Variants in MMP26 observed in about 807,000 individuals in gnomAD.
The protein encoded by MMP26 is matrix metalloproteinase-26.
MMP26 carries 33 observed loss-of-function variants against 31.0 expected under a neutral mutation model. The ratio of observed to expected loss-of-function variants is 1.06; its 90% CI spans 0.81 to 1.42. MMP26 has a LOEUF of 1.42. Ranked by LOEUF, MMP26 falls within the 40% of genes most tolerant of loss-of-function variation. The probability of loss-of-function intolerance (pLI) is 0.00; values close to 1 mark genes in which losing one functional copy is unlikely to be tolerated. For synonymous variants in MMP26, 122 were observed against 114.9 expected (o/e 1.06, Z -0.40); for missense variants, 347 against 316.1 (o/e 1.10, Z -0.74).
intron 1 of MMP26, among the ~76,000 whole-genome samples, chr11:4,731,903 A>T (rs1848178870): frequency 6.6e-6 from 1 of 152,162 alleles, no homozygotes; most frequent in South Asian, 2.1e-4. Context: ...TGTCATCGGG[A>T]GGCATGGTAG....
intron 2 of MMP26, among the ~76,000 whole-genome samples, chr11:4,824,010 G>C (rs1183231872): frequency 6.6e-6 from 1 of 152,166 alleles, no homozygotes; most frequent in African/African-American, 2.4e-5. Flanking sequence ...TCCTTAAAGA[G>C]TTGGGTATTC....
At chr11:4,921,595 C>T (rs1851185451) in intron 2 of MMP26, among the ~76,000 whole-genome samples, 1 of 152,160 alleles carries the variant, frequency 6.6e-6, no homozygotes, top group East Asian at 1.9e-4. Context: ...CATGTAAGCA[C>T]TGTTGTTCAG....
At position 4,769,643 on chromosome 11, in the gene MMP26, CG is replaced by C. The variant is rs34672924; in HGVS notation, c.-145+2303del. The C allele has an allele frequency of 0.23, 376,108 of 1,603,756 alleles. 49,713 individuals carry two copies. Among genetic ancestry groups the C allele is most frequent in the African/African-American group, 0.44 (32,949 of 74,506 alleles). ...AATGCAGCTATATAGACTGATTTCA[CG>C]TGCCTCAAACCAGAGGATACCTAAT... is the stretch of plus-strand genomic sequence containing the variant. On this transcript the variant is annotated intron_variant, in intron 2 of 7. Coordinates refer to ENST00000380390, the MANE Select transcript of MMP26 (RefSeq NM_021801.5).
chr11:4,791,754 T>C (rs1040401641), intron 2 of MMP26, among the ~76,000 whole-genome samples: 4 of 152,068 alleles, frequency 2.6e-5, no homozygotes, highest in Admixed American at 1.3e-4. Flanking sequence ...TTCAAAAAGT[T>C]TGGGCTCTAG....
At chr11:4,961,991 C>A (rs1437058168) in intron 2 of MMP26, among the ~76,000 whole-genome samples, 5 of 151,896 alleles carry the variant, frequency 3.3e-5, no homozygotes, top group African/African-American at 1.2e-4. Flanking sequence ...TTGGAGCAAC[C>A]CCTGTTTTTT....
chr11:4,916,402 G>GAAA (rs79703641), intron 2 of MMP26, among the ~76,000 whole-genome samples: 1 of 150,546 alleles, frequency 6.6e-6, no homozygotes, highest in African/African-American at 2.4e-5. Flanking sequence ...TCTTTTACTG[G>GAAA]AAAAAAAAAG....
At chr11:4,934,693 G>T (rs1851407372) in intron 2 of MMP26, among the ~76,000 whole-genome samples, 1 of 146,342 alleles carries the variant, frequency 6.8e-6, no homozygotes, top group Admixed American at 6.9e-5. Context: ...TTCTTCTAGG[G>T]TTTTTATGGT....
intron 2 of MMP26, among the ~76,000 whole-genome samples, chr11:4,888,866 C>A (rs1287278783): frequency 2.6e-5 from 4 of 152,148 alleles, no homozygotes; most frequent in Non-Finnish European, 4.4e-5. Flanking sequence ...TGCTCCTCAA[C>A]AAGTACCATG....
At chr11:4,804,625 G>C (rs368343401) in intron 2 of MMP26, 149 of 677,978 alleles carry the variant, frequency 2.2e-4, no homozygotes, top group Non-Finnish European at 3.0e-4. Flanking sequence ...CATACTAGTT[G>C]CATGTGTAAC....
intron 2 of MMP26, chr11:4,804,333 G>T (rs1849233686): frequency 1.2e-6 from 2 of 1,614,050 alleles, no homozygotes; most frequent in Non-Finnish European, 1.7e-6. Context: ...TTCCAAGCAG[G>T]ATGAAGGACA....
chr11:4,807,900 G>T (rs560411423), intron 2 of MMP26, among the ~76,000 whole-genome samples: 63 of 152,208 alleles, frequency 4.1e-4, no homozygotes, highest in Admixed American at 1.1e-3. Flanking sequence ...GAACTTCTGG[G>T]TTTAGGTGAT....
At chr11:4,936,480 A>T (rs1001426757) in intron 2 of MMP26, among the ~76,000 whole-genome samples, 1 of 152,102 alleles carries the variant, frequency 6.6e-6, no homozygotes, top group African/African-American at 2.4e-5. Context: ...GATATTTAAG[A>T]GAAGTTTAAA....
At chr11:4,831,513 C>A (rs1334525351) in intron 2 of MMP26, among the ~76,000 whole-genome samples, 1 of 152,170 alleles carries the variant, frequency 6.6e-6, no homozygotes, top group African/African-American at 2.4e-5. Context: ...GCTTTTTATT[C>A]TCTTGTTTTT....
At chr11:4,774,928 A>G (rs913559475) in intron 2 of MMP26, among the ~76,000 whole-genome samples, 1 of 152,136 alleles carries the variant, frequency 6.6e-6, no homozygotes, top group East Asian at 1.9e-4. Flanking sequence ...GTTGAAGATC[A>G]CATGGTTGTA....
At chr11:4,946,572 A>G in intron 2 of MMP26, 2 of 1,588,430 alleles carry the variant, frequency 1.3e-6, no homozygotes, top group South Asian at 2.2e-5. Context: ...TAGGAATGGG[A>G]TAATTGGTTT....
intron 2 of MMP26, among the ~76,000 whole-genome samples, chr11:4,941,489 CTG>C (rs1846205178): frequency 6.6e-6 from 1 of 152,130 alleles, no homozygotes; most frequent in Admixed American, 6.6e-5. Context: ...TGCTTTAGTA[CTG>C]TGTTTCTTAA....
intron 2 of MMP26, among the ~76,000 whole-genome samples, chr11:4,854,163 G>A (rs1047557104): frequency 1.3e-5 from 2 of 152,166 alleles, no homozygotes; most frequent in Admixed American, 6.5e-5. Context: ...CACAGAAGAC[G>A]GGTGATTTCT....
intron 2 of MMP26, among the ~76,000 whole-genome samples, chr11:4,932,076 A>G (rs840715): frequency 0.98 from 149,568 of 152,174 alleles, 73,556 homozygotes; most frequent in South Asian, 1. Context: ...CACTTACTAC[A>G]AACAACTCCC....
intron 2 of MMP26, among the ~76,000 whole-genome samples, chr11:4,978,960 C>T (rs1846776831): frequency 6.6e-6 from 1 of 152,024 alleles, no homozygotes; most frequent in Non-Finnish European, 1.5e-5. Context: ...ACAAAGTAAG[C>T]ATGATACATT....
Sources: allele counts gnomAD v4.1 joint callset (sites outside exome capture counted in the v4.1 genomes callset), GRCh38; gene constraint gnomAD v4.1.1; transcripts MANE v1.5; gene names NCBI Gene and HGNC (gene_info 2026-07-23, HGNC 2026-07-21).